FBLN2: variants seen among roughly 807,000 people sequenced by gnomAD.
FBLN2 encodes fibulin-2.
FBLN2 carries 81 observed loss-of-function variants against 123.7 expected under a neutral mutation model. The observed-to-expected ratio is 0.65, with a 90% confidence interval of 0.55 to 0.79. The LOEUF (loss-of-function observed/expected upper bound fraction) is 0.79, where lower values mean the gene tolerates loss of function less well. Among genes scored for constraint, FBLN2 ranks in the 30% least tolerant of loss-of-function variants. FBLN2 has a pLI of 0.00. For missense variants in FBLN2, 1,603 were observed against 1,681.3 expected (o/e 0.95, Z 0.81); for synonymous variants, 699 against 701.4 (o/e 1.00, Z 0.05).
Position 13,637,820 on chromosome 3 carries a change from G to A in FBLN2, c.3597G>A (p.Arg1199=). The A allele has an allele frequency of 6.2e-7, 1 of 1,613,800 alleles. No homozygotes were observed. The highest frequency in any genetic ancestry group is 1.1e-5 in the South Asian group (1 of 91,080). ...TGCAGCGGGCCGTGCTGGAGCCCCG[G>A]GACTTTGCCCTGGACGTGGAGATGA... ...VYLQRAVLEP[R]DFALDVEMKL... Residue 1199 remains arginine, a synonymous_variant, in exon 18 of 18, where the codon CGG becomes CGA. Transcript: ENST00000404922.
Position 13,571,500 on chromosome 3 carries a change from A to T in FBLN2, c.1145A>T (p.Lys382Met). 1 of 1,613,656 alleles carries T rather than the reference A, an allele frequency of 6.2e-7. No homozygotes were observed. The highest frequency in any genetic ancestry group is 8.5e-7 in the Non-Finnish European group (1 of 1,179,860). The change falls in exon 2 of 18, where the codon AAG (lysine) becomes ATG (methionine). Residue 382 changes from lysine to methionine, a missense_variant. By Grantham distance (95) the Lys-to-Met change is moderately conservative. Transcript: ENST00000404922. ...AVPGSPRDPV[K>M]PSPHNILSTS... is the part of the protein sequence containing the mutation. ...CCTGGCTCTCCCAGGGACCCAGTCA[A>T]GCCCAGCCCCCACAACATCCTGTCC...
chr3:13,550,531 C>T (rs1215234361), intron 1 of FBLN2, among the ~76,000 whole-genome samples: 1 of 152,242 alleles, frequency 6.6e-6, no homozygotes, highest in African/African-American at 2.4e-5. Flanking sequence ...CCTGATGCCC[C>T]TGAGATGCTG....
intron 2 of FBLN2, among the ~76,000 whole-genome samples, chr3:13,585,517 A>T (rs143951407): frequency 4.3e-4 from 65 of 152,298 alleles, no homozygotes; most frequent in Admixed American, 2.4e-3. Context: ...CCATACGATT[A>T]TGGTGAAGCT....
chr3:13,590,117 C>T (rs1379570753), intron 2 of FBLN2, among the ~76,000 whole-genome samples: 3 of 152,190 alleles, frequency 2.0e-5, no homozygotes, highest in African/African-American at 7.2e-5. Context: ...TTCTTAACCC[C>T]ATCGCTGCTG....
intron 1 of FBLN2, chr3:13,568,653 C>A: frequency 4.2e-6 from 2 of 476,494 alleles, no homozygotes; most frequent in Non-Finnish European, 5.2e-6. Flanking sequence ...CCACTCCCTG[C>A]CTGACGCCCT....
At chr3:13,552,405 C>T (rs932951215) in intron 1 of FBLN2, among the ~76,000 whole-genome samples, 4 of 152,042 alleles carry the variant, frequency 2.6e-5, no homozygotes, top group Admixed American at 2.0e-4. Flanking sequence ...CTGTCCTGCC[C>T]GGTGGTGGAC....
rs748881708 is a variant in FBLN2, at chr3:13,570,615, A to T, written c.260A>T (p.Gln87Leu). ...GFVRGRVPAG[Q>L]SYFVDFGSTE... ...GTGCGCGGCCGCGTGCCCGCCGGTCAGTCCTATTTTGTGGACTTCGGGAGC... is the reference window on the plus strand; with the variant it reads ...GTGCGCGGCCGCGTGCCCGCCGGTCTGTCCTATTTTGTGGACTTCGGGAGC... Residue 87 changes from glutamine to leucine, a missense_variant, in exon 2 of 18, where the codon CAG (glutamine) becomes CTG (leucine). Transcript: ENST00000404922. 6.3e-7 allele frequency: 1 copy of T among 1,580,496 alleles called. No homozygotes were observed. The highest frequency in any genetic ancestry group is 8.6e-7 in the Non-Finnish European group (1 of 1,164,370).
intron 9 of FBLN2, 49 bp from the exon 10 acceptor site, chr3:13,626,396 C>A: frequency 6.8e-7 from 1 of 1,477,692 alleles, no homozygotes; most frequent in Non-Finnish European, 9.1e-7. Flanking sequence ...TGCACTCAGC[C>A]ACTGTCCTGG....
chr3:13,549,767 T>A (rs577961438), intron 1 of FBLN2, among the ~76,000 whole-genome samples: 1 of 151,922 alleles, frequency 6.6e-6, no homozygotes, highest in Non-Finnish European at 1.5e-5. Flanking sequence ...CCACCCTGCC[T>A]GTCACCACAT....
chr3:13,598,216 TG>T (rs1410698650), intron 2 of FBLN2, among the ~76,000 whole-genome samples: 2 of 152,270 alleles, frequency 1.3e-5, no homozygotes, highest in Non-Finnish European at 2.9e-5. Context: ...GCGTCTTTTA[TG>T]TGCCAGGAGA....
chr3:13,588,972 C>T (rs1457000911), intron 2 of FBLN2, among the ~76,000 whole-genome samples: 1 of 152,174 alleles, frequency 6.6e-6, no homozygotes, highest in Non-Finnish European at 1.5e-5. Flanking sequence ...TTACATCAAA[C>T]TTCAGTTTGA....
At chr3:13,601,118 G>A (rs952320950) in intron 2 of FBLN2, among the ~76,000 whole-genome samples, 26 of 152,338 alleles carry the variant, frequency 1.7e-4, no homozygotes, top group African/African-American at 6.3e-4. Flanking sequence ...GTAACTGTGA[G>A]GTTCCTGTGC....
chr3:13,611,845 C>G (rs550191103), intron 4 of FBLN2, among the ~76,000 whole-genome samples: 2 of 152,152 alleles, frequency 1.3e-5, no homozygotes, highest in Non-Finnish European at 2.9e-5. Flanking sequence ...GCAAGGAAGA[C>G]TAGGGAATGT....
chr3:13,552,041 G>T (rs1202569186), intron 1 of FBLN2, among the ~76,000 whole-genome samples: 1 of 152,080 alleles, frequency 6.6e-6, no homozygotes, highest in Non-Finnish European at 1.5e-5. Context: ...GTCTCACTTT[G>T]TTACTCAGGC....
intron 1 of FBLN2, among the ~76,000 whole-genome samples, chr3:13,559,763 GC>G (rs1270775025): frequency 6.6e-6 from 1 of 152,210 alleles, no homozygotes; most frequent in Non-Finnish European, 1.5e-5. Context: ...TCTCCAGGGG[GC>G]CAGAGCTGAT....
At chr3:13,609,425 A>C in intron 3 of FBLN2, 88 bp from the exon 4 acceptor site, 3 of 1,419,224 alleles carry the variant, frequency 2.1e-6, no homozygotes, top group Non-Finnish European at 2.8e-6. Flanking sequence ...GACCTTGGGC[A>C]GAGCTTCCCT....
In FBLN2 at chr3:13,571,809, G is replaced by A. The variant is rs1377899325; in HGVS notation, c.1306+148G>A. ...TGGCCACCCCAGGCCCTTGGTTTGG[G>A]CAGGAGGCTGTGAGAGTGCATCTTC... On this transcript the variant is annotated intron_variant, in intron 2 of 17. Transcript: ENST00000404922. 4 of 706,926 alleles carry A rather than the reference G, an allele frequency of 5.7e-6. No homozygotes were observed. The East Asian group carries it at 1.5e-4, about 26-fold the overall frequency. 43.8% of individuals were successfully genotyped at this position (706,926 alleles called of 1,614,324 possible).
intron 2 of FBLN2, among the ~76,000 whole-genome samples, chr3:13,599,326 G>T (rs999269967): frequency 6.6e-6 from 1 of 152,234 alleles, no homozygotes; most frequent in Non-Finnish European, 1.5e-5. Flanking sequence ...AGATGGCACA[G>T]GGAGAGGTGG....
chr3:13,565,699 C>T (rs1256699101), intron 1 of FBLN2, among the ~76,000 whole-genome samples: 2 of 152,240 alleles, frequency 1.3e-5, no homozygotes, highest in South Asian at 2.1e-4. Flanking sequence ...CCTAGGGTTG[C>T]AGCCTGAGGC....
Sources: gnomAD v4.1 joint callset for allele counts (sites outside exome capture counted in the v4.1 genomes callset) on GRCh38, gnomAD v4.1.1 for gene constraint, MANE v1.5 for transcripts, NCBI Gene and HGNC (gene_info 2026-07-23, HGNC 2026-07-21) for gene names.